PTGIS: variants seen among roughly 807,000 people sequenced by gnomAD.
PTGIS encodes prostaglandin I2 synthase.
Under a neutral mutation model 50.3 loss-of-function variants are expected in PTGIS, and 45 were observed. That is an observed-to-expected ratio of 0.90 (90% CI 0.70 to 1.15). The LOEUF is 1.15. Among genes scored for constraint, PTGIS ranks in the 50% most tolerant of loss-of-function variants. PTGIS has a pLI of 0.00. For missense variants in PTGIS, 668 were observed against 661.3 expected (o/e 1.01, Z -0.11); for synonymous variants, 260 against 267.7 (o/e 0.97, Z 0.28).
At chr20:49,544,277 C>G in intron 4 of PTGIS, 28 bp downstream of exon 4, 1 of 1,613,172 alleles carries the variant, frequency 6.2e-7, no homozygotes. Context: ...CGGGCCCCAG[C>G]AGGAGGGTGG....
intron 2 of PTGIS, among the ~76,000 whole-genome samples, chr20:49,549,283 A>G (rs773638957): frequency 6.6e-6 from 1 of 152,194 alleles, no homozygotes; most frequent in African/African-American, 2.4e-5. Flanking sequence ...AATAACCTAC[A>G]TGCATCCTCC....
At chr20:49,535,360 G>C (rs1182569409) in intron 5 of PTGIS, among the ~76,000 whole-genome samples, 6 of 152,130 alleles carry the variant, frequency 3.9e-5, no homozygotes, top group South Asian at 2.1e-4. Flanking sequence ...AGTGGGCAGA[G>C]AGAAATGAAA....
intron 6 of PTGIS, among the ~76,000 whole-genome samples, chr20:49,515,120 A>G (rs1981443548): frequency 6.6e-6 from 1 of 152,226 alleles, no homozygotes; most frequent in South Asian, 2.1e-4. Context: ...TGTGATATCT[A>G]AAGATTTGCT....
chr20:49,520,780 C>T (rs1320518618), intron 6 of PTGIS, among the ~76,000 whole-genome samples: 1 of 152,106 alleles, frequency 6.6e-6, no homozygotes, highest in Non-Finnish European at 1.5e-5. Context: ...AATGCTCTTG[C>T]CTCAGCCTCC....
At chr20:49,518,145 G>C (rs1981542481) in intron 6 of PTGIS, among the ~76,000 whole-genome samples, 1 of 152,250 alleles carries the variant, frequency 6.6e-6, no homozygotes, top group Non-Finnish European at 1.5e-5. Context: ...AGGGATGGGG[G>C]TCACAGATTG....
intron 3 of PTGIS, among the ~76,000 whole-genome samples, chr20:49,547,319 C>T (rs1982383374): frequency 6.6e-6 from 1 of 152,208 alleles, no homozygotes; most frequent in Non-Finnish European, 1.5e-5. Context: ...CAAGTCACTT[C>T]TCTGAGATCC....
intron 1 of PTGIS, among the ~76,000 whole-genome samples, chr20:49,556,729 A>G (rs1982628729): frequency 6.6e-6 from 1 of 152,234 alleles, no homozygotes; most frequent in African/African-American, 2.4e-5. Context: ...ATGTTTCAAA[A>G]TTAACTATAG....
At chr20:49,514,484 G>A in intron 6 of PTGIS, 89 bp from the exon 7 acceptor site, 1 of 1,474,278 alleles carries the variant, frequency 6.8e-7, no homozygotes, top group Non-Finnish European at 9.2e-7. Context: ...AGACAGAGGG[G>A]CCAGTAGGCC....
At chr20:49,551,139 G>A (rs1265629655) in intron 1 of PTGIS, among the ~76,000 whole-genome samples, 1 of 152,140 alleles carries the variant, frequency 6.6e-6, no homozygotes, top group East Asian at 1.9e-4. Context: ...CCCAGGAGGA[G>A]GAGGTTGCAG....
chr20:49,531,862 C>A (rs1041266393), intron 5 of PTGIS, among the ~76,000 whole-genome samples: 1 of 152,132 alleles, frequency 6.6e-6, no homozygotes, highest in South Asian at 2.1e-4. Context: ...AACTCCTGAA[C>A]AAAAGTGATT....
chr20:49,539,664 C>T lies in PTGIS; in HGVS notation c.579G>A (p.Gln193=). The T allele has an allele frequency of 6.2e-7, 1 of 1,613,910 alleles. No homozygotes were observed. Among genetic ancestry groups the T allele is most frequent in the South Asian group, 1.1e-5 (1 of 91,022 alleles). ...CAGCTGAGTGGACGCGGTCCTGGGC[C>T]TGGCTTTCATGGGTGCGTGGCAGCG... ...IEALPRTHES[Q]AQDRVHSADV... is the part of the protein sequence containing the mutation. Residue 193 remains glutamine, a synonymous_variant, in exon 5 of 10, where the codon CAG becomes CAA. Coordinates refer to ENST00000244043, the MANE Select transcript of PTGIS (RefSeq NM_000961.4).
intron 5 of PTGIS, among the ~76,000 whole-genome samples, chr20:49,536,066 G>A (rs1982061264): frequency 6.6e-6 from 1 of 152,168 alleles, no homozygotes; most frequent in African/African-American, 2.4e-5. Flanking sequence ...TATATTGTTA[G>A]GTTAAAAACA....
intron 1 of PTGIS, among the ~76,000 whole-genome samples, chr20:49,560,715 G>A (rs1417104374): frequency 6.6e-6 from 1 of 152,168 alleles, no homozygotes; most frequent in Non-Finnish European, 1.5e-5. Context: ...AACAGCAAGT[G>A]CAAAGGTACT....
chr20:49,509,894 T>C (rs1981265680), intron 9 of PTGIS, among the ~76,000 whole-genome samples: 2 of 124,538 alleles, frequency 1.6e-5, no homozygotes, highest in African/African-American at 6.4e-5. Flanking sequence ...TTTTTTTTTT[T>C]TTTTTTTTTC....
chr20:49,533,426 C>G (rs1404658983), intron 5 of PTGIS, among the ~76,000 whole-genome samples: 3 of 152,090 alleles, frequency 2.0e-5, no homozygotes. Flanking sequence ...TCCCCTGCCC[C>G]CAACTCCCTA....
intron 1 of PTGIS, among the ~76,000 whole-genome samples, chr20:49,566,028 G>C (rs1246373021): frequency 6.6e-6 from 1 of 152,092 alleles, no homozygotes; most frequent in Non-Finnish European, 1.5e-5. Flanking sequence ...TCAGGAGTTC[G>C]AGACCAGCCT....
rs200895888 is a variant in PTGIS at position 49,507,949 on chromosome 20, C to T, written c.1474G>A (p.Val492Met). ...GFGLMQPEHD[V>M]PVRYRIRP is the part of the protein sequence containing the mutation. Reference sequence around the variant, plus strand: ...GGGCGGATGCGGTAGCGGACGGGCACGTCGTGTTCCGGCTGCATCAGACCG... The same window carrying T: ...GGGCGGATGCGGTAGCGGACGGGCATGTCGTGTTCCGGCTGCATCAGACCG... Residue 492 changes from valine (V) to methionine (M), a missense_variant, in exon 10 of 10, where the codon GTG (valine) becomes ATG (methionine). Transcript: ENST00000244043. 8.1e-6 allele frequency: 13 copies of T among 1,613,070 alleles called. No individual in the cohort carries two copies. The highest frequency in any genetic ancestry group is 2.2e-5 in the East Asian group (1 of 44,898).
chr20:49,541,590 G>A (rs889014622), intron 4 of PTGIS, among the ~76,000 whole-genome samples: 1 of 152,066 alleles, frequency 6.6e-6, no homozygotes, highest in Non-Finnish European at 1.5e-5. Flanking sequence ...AAATTAGCTG[G>A]GCATGGTGGC....
At chr20:49,514,429 G>A (rs758298172) in intron 6 of PTGIS, 34 bp from the exon 7 acceptor site, 2 of 1,608,572 alleles carry the variant, frequency 1.2e-6, no homozygotes, top group African/African-American at 1.3e-5. Context: ...ATGCCATTAT[G>A]AGGGCAGAGC....
Sources: gnomAD v4.1 joint callset for allele counts (sites outside exome capture counted in the v4.1 genomes callset) on GRCh38, gnomAD v4.1.1 for gene constraint, MANE v1.5 for transcripts, NCBI Gene and HGNC (gene_info 2026-07-23, HGNC 2026-07-21) for gene names.